The following CDH13 variants were observed in gnomAD, a reference collection of about 807,000 sequenced individuals.
CDH13 encodes cadherin 13.
CDH13 carries 24 observed loss-of-function variants against 63.8 expected under a neutral mutation model. The observed-to-expected ratio is 0.38, with a 90% confidence interval of 0.27 to 0.53. The LOEUF (loss-of-function observed/expected upper bound fraction) is 0.53, where lower values mean the gene tolerates loss of function less well. CDH13 is among the 20% of genes least tolerant of loss of function. CDH13 has a pLI of 0.85. For synonymous variants in CDH13, 503 were observed against 355.3 expected (o/e 1.42, Z -4.67); for missense variants, 1,049 against 903.1 (o/e 1.16, Z -2.07).
intron 7 of CDH13, among the ~76,000 whole-genome samples, chr16:83,555,478 C>T (rs78016296): frequency 0.01 from 1,556 of 152,278 alleles, 20 homozygotes; most frequent in African/African-American, 0.036. Flanking sequence ...GAATTTCAGA[C>T]TTTGCTGGTG....
At chr16:82,788,220 G>A (rs932548206) in intron 1 of CDH13, among the ~76,000 whole-genome samples, 2 of 152,196 alleles carry the variant, frequency 1.3e-5, no homozygotes, top group Non-Finnish European at 2.9e-5. Flanking sequence ...CTGCACAGGC[G>A]TTGTATATTT....
At chr16:83,032,765 C>A (rs1372043958) in intron 3 of CDH13, among the ~76,000 whole-genome samples, 13 of 152,152 alleles carry the variant, frequency 8.5e-5, no homozygotes, top group Admixed American at 8.5e-4. Context: ...CATTTCTTTT[C>A]CTGAAGCCAG....
chr16:83,621,817 C>A (rs1239963891), intron 8 of CDH13, among the ~76,000 whole-genome samples: 1 of 151,990 alleles, frequency 6.6e-6, no homozygotes, highest in African/African-American at 2.4e-5. Flanking sequence ...CAAATCAGGA[C>A]AATGTTTTGT....
At chr16:82,885,780 G>C (rs1406794087) in intron 2 of CDH13, among the ~76,000 whole-genome samples, 1 of 151,958 alleles carries the variant, frequency 6.6e-6, no homozygotes, top group Non-Finnish European at 1.5e-5. Flanking sequence ...GTAACCTTGG[G>C]CACGTTTTTA....
intron 2 of CDH13, among the ~76,000 whole-genome samples, chr16:82,886,922 T>C (rs188129749): frequency 1.1e-4 from 16 of 152,316 alleles, no homozygotes; most frequent in African/African-American, 1.7e-4. Flanking sequence ...GGTTGGTAAT[T>C]GTAGTGGATA....
intron 5 of CDH13, among the ~76,000 whole-genome samples, chr16:83,241,617 A>G (rs554036296): frequency 4.5e-4 from 69 of 152,296 alleles, no homozygotes; most frequent in African/African-American, 1.5e-3. Flanking sequence ...CTCATTAGCC[A>G]TTTGTATAAC....
intron 7 of CDH13, among the ~76,000 whole-genome samples, chr16:83,581,528 C>G (rs754451277): frequency 2.4e-4 from 37 of 152,146 alleles, no homozygotes; most frequent in Admixed American, 1.3e-4. Flanking sequence ...CTATTTAAAA[C>G]AGAGCCTTGG....
chr16:83,630,100 C>G (rs1910646518), intron 8 of CDH13, among the ~76,000 whole-genome samples: 1 of 152,164 alleles, frequency 6.6e-6, no homozygotes, highest in Non-Finnish European at 1.5e-5. Context: ...GCTTTGAAAA[C>G]CCACGTGTTG....
At chr16:83,653,910 C>T (rs1912627079) in intron 8 of CDH13, among the ~76,000 whole-genome samples, 1 of 152,102 alleles carries the variant, frequency 6.6e-6, no homozygotes, top group Admixed American at 6.5e-5. Context: ...GTGGAATGTA[C>T]AGACAGGGGA....
chr16:83,170,015 T>C (rs2037853768), intron 4 of CDH13, among the ~76,000 whole-genome samples: 2 of 152,136 alleles, frequency 1.3e-5, no homozygotes, highest in Non-Finnish European at 2.9e-5. Flanking sequence ...TCCTTCCAAA[T>C]GTTATTTTAT....
intron 4 of CDH13, among the ~76,000 whole-genome samples, chr16:83,175,056 T>G (rs1283375162): frequency 6.6e-6 from 1 of 152,092 alleles, no homozygotes; most frequent in African/African-American, 2.4e-5. Flanking sequence ...GCTAGCCACA[T>G]TTCAAATCAT....
chr16:83,120,134 C>A (rs1245324908), intron 3 of CDH13, among the ~76,000 whole-genome samples: 1 of 152,114 alleles, frequency 6.6e-6, no homozygotes, highest in African/African-American at 2.4e-5. Context: ...GCCCCCGAAC[C>A]CTGTCCCTTC....
At chr16:83,482,506 G>T (rs2073794445) in intron 6 of CDH13, among the ~76,000 whole-genome samples, 1 of 152,188 alleles carries the variant, frequency 6.6e-6, no homozygotes. Flanking sequence ...TCCCAAATCT[G>T]TTTCTCGACT....
chr16:83,650,322 T>A (rs1187811076), intron 8 of CDH13, among the ~76,000 whole-genome samples: 1 of 152,242 alleles, frequency 6.6e-6, no homozygotes, highest in Non-Finnish European at 1.5e-5. Flanking sequence ...ATAATTATAG[T>A]CTTTGGTTTT....
chr16:82,911,112 TAAG>T (rs2041815500), intron 2 of CDH13, among the ~76,000 whole-genome samples: 1 of 152,132 alleles, frequency 6.6e-6, no homozygotes. Context: ...ATGGGAAGCA[TAAG>T]AAGGTCAGAA....
chr16:82,860,018 C>G (rs924067927), intron 2 of CDH13, among the ~76,000 whole-genome samples: 1 of 152,178 alleles, frequency 6.6e-6, no homozygotes, highest in Non-Finnish European at 1.5e-5. Context: ...TAGGAACCCT[C>G]CTTTGTCTTT....
intron 3 of CDH13, among the ~76,000 whole-genome samples, chr16:83,032,617 C>T (rs1221161096): frequency 1.3e-5 from 2 of 152,032 alleles, no homozygotes; most frequent in African/African-American, 2.4e-5. Flanking sequence ...GGTCTGAAGT[C>T]GCCTGAGAAA....
intron 1 of CDH13, among the ~76,000 whole-genome samples, chr16:82,636,797 C>G (rs1325833413): frequency 6.6e-6 from 1 of 152,196 alleles, no homozygotes; most frequent in African/African-American, 2.4e-5. Flanking sequence ...ATTTGTAGCT[C>G]TTGCCAATTT....
At chr16:82,946,347 A>C (rs987456218) in intron 2 of CDH13, among the ~76,000 whole-genome samples, 2 of 152,102 alleles carry the variant, frequency 1.3e-5, no homozygotes, top group African/African-American at 4.8e-5. Flanking sequence ...ATAAGTAGTA[A>C]TATTACTTAT....
Sources: gnomAD v4.1 joint callset for allele counts (sites outside exome capture counted in the v4.1 genomes callset) on GRCh38, gnomAD v4.1.1 for gene constraint, MANE v1.5 for transcripts, NCBI Gene and HGNC (gene_info 2026-07-23, HGNC 2026-07-21) for gene names.